VPS13B: variants seen among roughly 807,000 people sequenced by gnomAD.
The protein encoded by VPS13B is intermembrane lipid transfer protein VPS13B.
VPS13B carries 285 observed loss-of-function variants against 426.4 expected under a neutral mutation model. That is an observed-to-expected ratio of 0.67 (90% CI 0.61 to 0.74). VPS13B has a LOEUF of 0.74. Ranked by LOEUF, VPS13B falls within the 30% of genes least tolerant of loss-of-function variation. VPS13B has a pLI of 0.00. For synonymous variants in VPS13B, 1,676 were observed against 1,676.4 expected (o/e 1.00, Z 0.01); for missense variants, 4,537 against 4,782.6 (o/e 0.95, Z 1.51).
intron 4 of VPS13B, among the ~76,000 whole-genome samples, chr8:99,099,637 A>G (rs1473325483): frequency 6.6e-6 from 1 of 152,238 alleles, no homozygotes; most frequent in Non-Finnish European, 1.5e-5. Flanking sequence ...TGGTAGAGAC[A>G]TTTCTCTTTA....
At chr8:99,810,093 C>T (rs943596780) in intron 44 of VPS13B, among the ~76,000 whole-genome samples, 1 of 152,142 alleles carries the variant, frequency 6.6e-6, no homozygotes. Context: ...CATATTTTTA[C>T]GTATTTTATA....
Position 99,848,907 on chromosome 8 carries a change from AT to A in VPS13B, c.10061+17del. The A allele has an allele frequency of 6.2e-7, 1 of 1,609,358 alleles. No individual in the cohort carries two copies. The highest frequency in any genetic ancestry group is 8.5e-7 in the Non-Finnish European group (1 of 1,175,610). On this transcript the variant is annotated intron_variant, in intron 55 of 61. Coordinates refer to ENST00000357162, the MANE Select transcript of VPS13B (RefSeq NM_152564.5). ...CCAATACCAACAGGTAGGTTTAATT[AT>A]TTTCCCAGTGACAACATAGTAAGTG...
intron 2 of VPS13B, among the ~76,000 whole-genome samples, chr8:99,023,673 G>T (rs1450447200): frequency 1.3e-5 from 2 of 151,952 alleles, no homozygotes; most frequent in African/African-American, 4.8e-5. Flanking sequence ...TAGAGACAGG[G>T]TTTCACCATA....
At chr8:99,694,834 T>C (rs1460679191) in intron 35 of VPS13B, among the ~76,000 whole-genome samples, 5 of 151,912 alleles carry the variant, frequency 3.3e-5, no homozygotes, top group Admixed American at 6.6e-5. Flanking sequence ...CTACAATGAA[T>C]TCAAACAAAT....
At chr8:99,626,820 G>A (rs971077313) in intron 33 of VPS13B, among the ~76,000 whole-genome samples, 1 of 152,146 alleles carries the variant, frequency 6.6e-6, no homozygotes, top group African/African-American at 2.4e-5. Context: ...AGAAATATCT[G>A]CACTCCCATA....
intron 39 of VPS13B, among the ~76,000 whole-genome samples, chr8:99,759,144 A>G (rs1810790798): frequency 6.6e-6 from 1 of 152,084 alleles, no homozygotes; most frequent in African/African-American, 2.4e-5. Flanking sequence ...ACTGCCATAA[A>G]TTACCCAGCC....
chr8:99,231,090 G>A (rs974952571), intron 17 of VPS13B, among the ~76,000 whole-genome samples: 7 of 152,128 alleles, frequency 4.6e-5, no homozygotes, highest in African/African-American at 1.7e-4. Flanking sequence ...ATGCTTATAT[G>A]CTTTATGTGT....
chr8:99,235,682 C>G (rs912491953), intron 17 of VPS13B, among the ~76,000 whole-genome samples: 1 of 152,060 alleles, frequency 6.6e-6, no homozygotes, highest in Non-Finnish European at 1.5e-5. Context: ...TAATTATTTT[C>G]TTCTTAAGTG....
At chr8:99,020,289 A>G (rs533136711) in intron 2 of VPS13B, among the ~76,000 whole-genome samples, 2 of 152,158 alleles carry the variant, frequency 1.3e-5, no homozygotes, top group Admixed American at 6.5e-5. Context: ...TTCTTTGGAG[A>G]AATGCCTATT....
intron 24 of VPS13B, among the ~76,000 whole-genome samples, chr8:99,478,447 G>GTTTTTTTTTTTTTTTTTTTT (rs56261645): frequency 2.2e-4 from 19 of 85,772 alleles, no homozygotes; most frequent in African/African-American, 3.0e-4. Flanking sequence ...TTTTTGTTTT[G>GTTTTTTTTTTTTTTTTTTTT]TTTTTTTTTT....
intron 30 of VPS13B, among the ~76,000 whole-genome samples, chr8:99,544,391 C>G (rs745805377): frequency 1.6e-4 from 25 of 152,080 alleles, no homozygotes; most frequent in Non-Finnish European, 2.9e-4. Flanking sequence ...TGCAGCGCAC[C>G]AGCATGGCAC....
At chr8:99,285,587 T>C (rs1819391341) in intron 19 of VPS13B, among the ~76,000 whole-genome samples, 1 of 152,188 alleles carries the variant, frequency 6.6e-6, no homozygotes, top group Non-Finnish European at 1.5e-5. Flanking sequence ...ATTACTTTAT[T>C]TTCTACTTAG....
At chr8:99,080,400 T>C (rs1217742189) in intron 3 of VPS13B, among the ~76,000 whole-genome samples, 1 of 152,200 alleles carries the variant, frequency 6.6e-6, no homozygotes, top group East Asian at 1.9e-4. Flanking sequence ...AATTTATATC[T>C]TTTAATCAGT....
chr8:99,105,378 T>G (rs941875940), intron 5 of VPS13B, among the ~76,000 whole-genome samples: 5 of 152,164 alleles, frequency 3.3e-5, no homozygotes, highest in Admixed American at 3.3e-4. Flanking sequence ...TTTATTTTAA[T>G]TAATTAATTA....
At chr8:99,569,211 A>C (rs1041473044) in intron 31 of VPS13B, among the ~76,000 whole-genome samples, 1 of 152,068 alleles carries the variant, frequency 6.6e-6, no homozygotes, top group Non-Finnish European at 1.5e-5. Flanking sequence ...TTTATGTTGC[A>C]TAAGAATTGC....
At chr8:99,093,287 C>G (rs1160289087) in intron 3 of VPS13B, among the ~76,000 whole-genome samples, 1 of 151,992 alleles carries the variant, frequency 6.6e-6, no homozygotes, top group Admixed American at 6.6e-5. Context: ...ACAAACATAT[C>G]TCACTTAGAG....
At chr8:99,083,379 A>G (rs143068640) in intron 3 of VPS13B, among the ~76,000 whole-genome samples, 4,157 of 152,226 alleles carry the variant, frequency 0.027, 174 homozygotes, top group African/African-American at 0.093. Context: ...GGTTTTCTAG[A>G]TATACAATCA....
chr8:99,024,770 T>A (rs1842054776), intron 2 of VPS13B, among the ~76,000 whole-genome samples: 1 of 152,230 alleles, frequency 6.6e-6, no homozygotes, highest in Admixed American at 6.5e-5. Flanking sequence ...TCAGAATTGC[T>A]TTGGTTATTC....
At position 99,087,226 on chromosome 8, in the gene VPS13B, G is replaced by A. The variant is rs188658706; in HGVS notation, c.292-9086G>A. On this transcript the variant is annotated intron_variant, in intron 3 of 61. Coordinates refer to ENST00000357162, the MANE Select transcript of VPS13B (RefSeq NM_152564.5). ...TCAGACTGCTGTGCTAGCAATCAGCGAGGCTCTGTGGGCGTAGGACCCACC... is the reference window on the plus strand; with the variant it reads ...TCAGACTGCTGTGCTAGCAATCAGCAAGGCTCTGTGGGCGTAGGACCCACC... Among the ~76,000 whole-genome samples, 388 of 152,284 alleles carry A rather than the reference G, an allele frequency of 2.5e-3. 3 individuals carry two copies. The highest frequency in any genetic ancestry group is 8.2e-3 in the African/African-American group (340 of 41,562).
Sources: allele counts gnomAD v4.1 joint callset (sites outside exome capture counted in the v4.1 genomes callset), GRCh38; gene constraint gnomAD v4.1.1; transcripts MANE v1.5; gene names NCBI Gene and HGNC (gene_info 2026-07-23, HGNC 2026-07-21).